The following SPATA13 variants were observed in gnomAD, a reference collection of about 807,000 sequenced individuals.
SPATA13 encodes the protein spermatogenesis associated 13, also known as spermatogenesis-associated protein 13.
Under a neutral mutation model 104.0 loss-of-function variants are expected in SPATA13, and 50 were observed. The observed-to-expected ratio is 0.48, with a 90% CI of 0.38 to 0.61. The LOEUF is 0.61. SPATA13 is among the 20% of genes least tolerant of loss of function. The probability of loss-of-function intolerance (pLI) is 0.00; values close to 1 mark genes in which losing one functional copy is unlikely to be tolerated. For synonymous variants in SPATA13, 606 were observed against 667.5 expected (o/e 0.91, Z 1.42); for missense variants, 1,524 against 1,690.6 (o/e 0.90, Z 1.73).
chr13:24,083,975 C>T (rs898252300), intron 3 of SPATA13, among the ~76,000 whole-genome samples: 6 of 152,132 alleles, frequency 3.9e-5, no homozygotes, highest in East Asian at 3.8e-4. Context: ...TTAGGTGTGC[C>T]GTTTGCAAGA....
chr13:24,000,999 A>G (rs1182578366), intron 2 of SPATA13, among the ~76,000 whole-genome samples: 1 of 151,884 alleles, frequency 6.6e-6, no homozygotes, highest in African/African-American at 2.4e-5. Context: ...GCTTCTCCCC[A>G]CTCCGAGTTC....
At chr13:24,262,465 T>C (rs202076330) in intron 4 of SPATA13, among the ~76,000 whole-genome samples, 2 of 152,342 alleles carry the variant, frequency 1.3e-5, no homozygotes, top group East Asian at 1.9e-4. Flanking sequence ...TCTTGATTCA[T>C]AGCCTAAGTG....
chr13:24,258,809 A>G (rs1178683209), intron 4 of SPATA13, among the ~76,000 whole-genome samples: 2 of 152,250 alleles, frequency 1.3e-5, no homozygotes, highest in Admixed American at 1.3e-4. Context: ...GGACTATTTT[A>G]AAAGAAATGC....
At chr13:24,178,466 A>G (rs1342492776) in intron 1 of SPATA13, among the ~76,000 whole-genome samples, 1 of 152,180 alleles carries the variant, frequency 6.6e-6, no homozygotes, top group African/African-American at 2.4e-5. Flanking sequence ...TATTAATAGT[A>G]CTAATTGCTT....
intron 1 of SPATA13, among the ~76,000 whole-genome samples, chr13:24,174,186 T>C (rs1883116642): frequency 6.6e-6 from 1 of 152,198 alleles, no homozygotes; most frequent in Non-Finnish European, 1.5e-5. Context: ...TGAGTTGTGG[T>C]AGTTTGTGTT....
intron 2 of SPATA13, among the ~76,000 whole-genome samples, chr13:24,008,375 C>T (rs879588497): frequency 6.6e-6 from 1 of 152,214 alleles, no homozygotes; most frequent in East Asian, 1.9e-4. Flanking sequence ...GCTGGAATGG[C>T]CAGGCCCTGT....
chr13:23,982,002 G>C (rs972268106), intron 1 of SPATA13, among the ~76,000 whole-genome samples: 2 of 152,130 alleles, frequency 1.3e-5, no homozygotes, highest in African/African-American at 4.8e-5. Flanking sequence ...TTTTTCCAGG[G>C]GTTCCTGGGA....
At chr13:24,283,261 T>A (rs1380082606) in intron 4 of SPATA13, among the ~76,000 whole-genome samples, 1 of 152,236 alleles carries the variant, frequency 6.6e-6, no homozygotes, top group East Asian at 1.9e-4. Context: ...GTCATCAGAA[T>A]TCGGGTTTTA....
intron 3 of SPATA13, among the ~76,000 whole-genome samples, chr13:24,137,943 T>C (rs1881626666): frequency 6.6e-6 from 1 of 152,106 alleles, no homozygotes; most frequent in Non-Finnish European, 1.5e-5. Context: ...TGGTTGTTAT[T>C]GTGTGTTCTT....
At chr13:24,104,248 T>G (rs538469442) in intron 3 of SPATA13, among the ~76,000 whole-genome samples, 18 of 152,100 alleles carry the variant, frequency 1.2e-4, no homozygotes, top group East Asian at 5.8e-4. Context: ...GGTTTTTTTT[T>G]TTTGTTTTTT....
chr13:24,093,041 G>C (rs1303726446), intron 3 of SPATA13, among the ~76,000 whole-genome samples: 1 of 152,122 alleles, frequency 6.6e-6, no homozygotes, highest in Non-Finnish European at 1.5e-5. Flanking sequence ...TAAAACAATG[G>C]GCACGATCAC....
At chr13:24,111,298 G>A (rs893016799) in intron 3 of SPATA13, among the ~76,000 whole-genome samples, 1 of 151,916 alleles carries the variant, frequency 6.6e-6, no homozygotes, top group Non-Finnish European at 1.5e-5. Context: ...CTCCATCTCC[G>A]TTGCTAGTAC....
chr13:24,162,485 G>T (rs1882545344), intron 1 of SPATA13: 1 of 155,866 alleles, frequency 6.4e-6, no homozygotes, highest in Admixed American at 6.5e-5. Context: ...AGTGTCAGAG[G>T]CGAGGAGTGG....
chr13:24,056,667 G>T (rs1237110703), intron 3 of SPATA13, among the ~76,000 whole-genome samples: 1 of 152,220 alleles, frequency 6.6e-6, no homozygotes, highest in Non-Finnish European at 1.5e-5. Context: ...TGGAAGGGAT[G>T]GCTTCTTCGG....
At chr13:24,294,538 G>A (rs1004933642) in intron 9 of SPATA13, among the ~76,000 whole-genome samples, 11 of 152,328 alleles carry the variant, frequency 7.2e-5, no homozygotes, top group African/African-American at 2.6e-4. Flanking sequence ...ATTCTGAATT[G>A]CACTGGGTCA....
At chr13:24,149,630 G>T (rs534831285) in intron 3 of SPATA13, among the ~76,000 whole-genome samples, 1 of 152,340 alleles carries the variant, frequency 6.6e-6, no homozygotes, top group African/African-American at 2.4e-5. Context: ...GTGTAGTGCA[G>T]CGTCCTGAAT....
intron 1 of SPATA13, among the ~76,000 whole-genome samples, chr13:24,199,848 T>G (rs1870300461): frequency 6.6e-6 from 1 of 152,240 alleles, no homozygotes; most frequent in Non-Finnish European, 1.5e-5. Flanking sequence ...ATGTAAGTAA[T>G]TGTAATCCAA....
chr13:24,126,832 T>C (rs572594965), intron 3 of SPATA13, among the ~76,000 whole-genome samples: 1 of 152,278 alleles, frequency 6.6e-6, no homozygotes, highest in African/African-American at 2.4e-5. Context: ...GGGGATTTGG[T>C]TACAGGCATG....
At chr13:24,246,685 G>C (rs978976693) in intron 2 of SPATA13, among the ~76,000 whole-genome samples, 1 of 152,048 alleles carries the variant, frequency 6.6e-6, no homozygotes, top group Non-Finnish European at 1.5e-5. Context: ...TGGTGAAACC[G>C]TGTCTCTGCT....
Sources: allele counts gnomAD v4.1 joint callset (sites outside exome capture counted in the v4.1 genomes callset), GRCh38; gene constraint gnomAD v4.1.1; transcripts MANE v1.5; gene names NCBI Gene and HGNC (gene_info 2026-07-23, HGNC 2026-07-21).